The following MBD5 variants were observed in gnomAD, a reference collection of about 807,000 sequenced individuals.
MBD5 encodes methyl-CpG-binding domain protein 5.
A neutral mutation model predicts 117.3 loss-of-function variants in MBD5; 13 were observed. That is an observed-to-expected ratio of 0.11 (90% CI 0.07 to 0.18). MBD5 has a LOEUF of 0.18. Ranked by LOEUF, MBD5 falls within the 10% of genes least tolerant of loss-of-function variation. The pLI is 1.00. For synonymous variants in MBD5, 727 were observed against 766.4 expected, an observed-to-expected ratio of 0.95 and a Z score of 0.85; for missense variants, 1,879 against 2,093.8, an observed-to-expected ratio of 0.90 and a Z score of 2.00.
At chr2:148,075,171 CTG>C (rs1244732662) in intron 1 of MBD5, among the ~76,000 whole-genome samples, 1 of 152,214 alleles carries the variant, frequency 6.6e-6, no homozygotes, top group Non-Finnish European at 1.5e-5. Context: ...CTGTACATGA[CTG>C]TGGAAGAGGG....
At chr2:148,118,695 C>T (rs1381170804) in intron 1 of MBD5, among the ~76,000 whole-genome samples, 1 of 152,102 alleles carries the variant, frequency 6.6e-6, no homozygotes, top group Non-Finnish European at 1.5e-5. Flanking sequence ...TCTGACCCTA[C>T]TCCCAGCTCT....
intron 3 of MBD5, among the ~76,000 whole-genome samples, chr2:148,324,877 T>C (rs1702399680): frequency 6.6e-6 from 1 of 152,126 alleles, no homozygotes; most frequent in Non-Finnish European, 1.5e-5. Context: ...CTATGTTGAA[T>C]AGGAGTGGTG....
intron 2 of MBD5, among the ~76,000 whole-genome samples, chr2:148,229,429 G>C (rs146083904): frequency 1.3e-5 from 2 of 152,128 alleles, no homozygotes; most frequent in Admixed American, 1.3e-4. Context: ...ACTTTCCTCA[G>C]CACAGCCATT....
intron 5 of MBD5, among the ~76,000 whole-genome samples, 156 bp from the exon 6 acceptor site, chr2:148,462,426 A>G (rs973499681): frequency 3.9e-5 from 6 of 152,362 alleles, no homozygotes; most frequent in South Asian, 4.1e-4. Context: ...GTTAAAGGCT[A>G]TAATTTAGTA....
intron 3 of MBD5, among the ~76,000 whole-genome samples, chr2:148,314,298 A>C (rs926617336): frequency 1.3e-4 from 19 of 151,150 alleles, no homozygotes; most frequent in Admixed American, 4.0e-4. Context: ...TAGATATCTT[A>C]ACTTCTTTAT....
chr2:148,064,997 C>G (rs1480689713), intron 1 of MBD5, among the ~76,000 whole-genome samples: 1 of 152,098 alleles, frequency 6.6e-6, no homozygotes, highest in Non-Finnish European at 1.5e-5. Context: ...TTCTTTCAGG[C>G]CCCATACACC....
intron 4 of MBD5, among the ~76,000 whole-genome samples, chr2:148,404,122 T>C (rs1705007537): frequency 7.3e-6 from 1 of 136,974 alleles, no homozygotes; most frequent in African/African-American, 2.5e-5. Flanking sequence ...CTGCTAGCAT[T>C]ATGGGTTTTT....
intron 1 of MBD5, among the ~76,000 whole-genome samples, chr2:148,076,826 A>C (rs1250287793): frequency 2.0e-5 from 3 of 152,224 alleles, no homozygotes; most frequent in Non-Finnish European, 2.9e-5. Context: ...GAAGTGAATA[A>C]AACGCATCCA....
chr2:148,090,737 A>C (rs1414144583), intron 1 of MBD5, among the ~76,000 whole-genome samples: 1 of 152,154 alleles, frequency 6.6e-6, no homozygotes, highest in Non-Finnish European at 1.5e-5. Flanking sequence ...AGCCAACATC[A>C]TATGGAATGG....
intron 4 of MBD5, among the ~76,000 whole-genome samples, chr2:148,453,893 G>C (rs959626538): frequency 1.3e-5 from 2 of 151,952 alleles, no homozygotes; most frequent in African/African-American, 4.8e-5. Context: ...TGCTTTCCTA[G>C]TTCTACCCTC....
intron 4 of MBD5, among the ~76,000 whole-genome samples, chr2:148,442,262 C>T (rs1434235608): frequency 6.6e-6 from 1 of 151,342 alleles, no homozygotes; most frequent in Admixed American, 6.6e-5. Flanking sequence ...TATATGCCTA[C>T]TGATTAATAG....
chr2:148,359,899 G>A (rs1020456987), intron 4 of MBD5, among the ~76,000 whole-genome samples: 6 of 152,074 alleles, frequency 3.9e-5, no homozygotes, highest in Admixed American at 3.9e-4. Context: ...AAAGTTATAT[G>A]TGGTAGCAGT....
rs553250252 is a variant in MBD5 at position 148,309,953 on chromosome 2, G to T, written c.-679-32261G>T. On this transcript the variant is annotated intron_variant, in intron 3 of 13. Transcript: ENST00000642680. ...GTTTAAGTGATGGATTATGTTTATT[G>T]ATTTACAATGTTGAACCAGCCTTGC... Among the ~76,000 whole-genome samples the T allele has an allele frequency of 2.0e-3, 307 of 152,260 alleles. 2 individuals are homozygous for T. Among genetic ancestry groups the T allele is most frequent in the Non-Finnish European group, 9.6e-4 (65 of 68,022 alleles).
chr2:148,409,018 T>C (rs536181493), intron 4 of MBD5, among the ~76,000 whole-genome samples: 2 of 152,264 alleles, frequency 1.3e-5, no homozygotes, highest in African/African-American at 4.8e-5. Flanking sequence ...TTGTTATTCA[T>C]GGGAGGTTCT....
intron 3 of MBD5, among the ~76,000 whole-genome samples, chr2:148,246,281 G>A (rs1005243266): frequency 3.3e-5 from 5 of 152,208 alleles, no homozygotes; most frequent in Admixed American, 6.5e-5. Flanking sequence ...TCGGAATCCA[G>A]CACTCATAAC....
At chr2:148,445,354 T>C (rs928859887) in intron 4 of MBD5, among the ~76,000 whole-genome samples, 1 of 150,958 alleles carries the variant, frequency 6.6e-6, no homozygotes, top group Non-Finnish European at 1.5e-5. Context: ...TTCTCATTGT[T>C]CAGTTCTCAC....
chr2:148,478,241 T>A (rs1343846830), intron 8 of MBD5, among the ~76,000 whole-genome samples: 1 of 152,204 alleles, frequency 6.6e-6, no homozygotes, highest in Non-Finnish European at 1.5e-5. Flanking sequence ...CACATATGCA[T>A]ATACATATAT....
At chr2:148,388,316 G>T (rs150280107) in intron 4 of MBD5, among the ~76,000 whole-genome samples, 82 of 152,060 alleles carry the variant, frequency 5.4e-4, no homozygotes, top group Non-Finnish European at 9.0e-4. Context: ...AGAAGTCTTC[G>T]GTGACTTATA....
chr2:148,312,801 C>T (rs1015397038), intron 3 of MBD5, among the ~76,000 whole-genome samples: 7 of 152,094 alleles, frequency 4.6e-5, no homozygotes, highest in African/African-American at 7.2e-5. Flanking sequence ...TACCTTTGGT[C>T]TTTGATGTTG....
Sources: allele counts gnomAD v4.1 joint callset (sites outside exome capture counted in the v4.1 genomes callset), GRCh38; gene constraint gnomAD v4.1.1; transcripts MANE v1.5; gene names NCBI Gene and HGNC (gene_info 2026-07-23, HGNC 2026-07-21).